The following STAG1 variants were observed in gnomAD, a reference collection of about 807,000 sequenced individuals.
The protein encoded by STAG1 is cohesin subunit SA-1.
STAG1 carries 26 observed loss-of-function variants against 170.9 expected under a neutral mutation model. The ratio of observed to expected loss-of-function variants is 0.15; its 90% confidence interval spans 0.11 to 0.21. The LOEUF (loss-of-function observed/expected upper bound fraction) is 0.21, where lower values mean the gene tolerates loss of function less well. STAG1 is among the 10% of genes least tolerant of loss of function. STAG1 has a pLI of 1.00. For missense variants in STAG1, 964 were observed against 1,509.5 expected, an observed-to-expected ratio of 0.64 and a Z score of 5.99; for synonymous variants, 514 against 497.7, an observed-to-expected ratio of 1.03 and a Z score of -0.44.
chr3:136,633,862 G>A (rs941518498), intron 1 of STAG1, among the ~76,000 whole-genome samples: 3 of 145,964 alleles, frequency 2.1e-5, no homozygotes, highest in African/African-American at 5.0e-5. Flanking sequence ...AGTAGCCCAC[G>A]CTTATAATCC....
At chr3:136,696,426 GCAGT>G (rs1368514029) in intron 1 of STAG1, among the ~76,000 whole-genome samples, 2 of 152,188 alleles carry the variant, frequency 1.3e-5, no homozygotes, top group South Asian at 2.1e-4. Flanking sequence ...GATTTTTAGG[GCAGT>G]CAGACAACAG....
At position 136,624,709 on chromosome 3, in the gene STAG1, A is replaced by G. The variant is rs1462415229; in HGVS notation, c.30-1461T>C. Among the ~76,000 whole-genome samples, 3 of 152,344 alleles carry G rather than the reference A, an allele frequency of 2.0e-5. No homozygotes were observed. The East Asian group carries it at 5.8e-4, about 29-fold the overall frequency. ...CACTTTCTTAAGTCTATAATCAACA[A>G]AACAATAAATTAAGCATTGATTTTT... is the stretch of plus-strand genomic sequence containing the variant. On this transcript the variant is annotated intron_variant, in intron 2 of 33. Coordinates refer to ENST00000383202, the MANE Select transcript of STAG1 (RefSeq NM_005862.3).
chr3:136,390,796 T>A (rs1476380847), intron 22 of STAG1, among the ~76,000 whole-genome samples: 1 of 152,198 alleles, frequency 6.6e-6, no homozygotes, highest in Non-Finnish European at 1.5e-5. Flanking sequence ...TCTAATGAGC[T>A]ATCTCTTGCT....
rs142942223 is a variant in STAG1 at position 136,528,958 on chromosome 3, A to C, written c.472-7541T>G. Among the ~76,000 whole-genome samples, 760 of 152,078 alleles carry C rather than the reference A, an allele frequency of 5.0e-3. 4 individuals are homozygous for C. The highest frequency in any genetic ancestry group is 0.017 in the African/African-American group (694 of 41,478). ...AAGCAAAAAACAAAACAAAACAAAA[A>C]AAAACAGAAAACAAACCAAAAAACC... On this transcript the variant is annotated intron_variant, in intron 6 of 33. Coordinates refer to ENST00000383202, the MANE Select transcript of STAG1 (RefSeq NM_005862.3).
intron 12 of STAG1, 91 bp downstream of exon 12, chr3:136,472,322 A>G: frequency 1.4e-6 from 1 of 720,334 alleles, no homozygotes; most frequent in South Asian, 2.7e-5. Context: ...AAACATATAC[A>G]TAAGGACTAT....
Position 136,479,526 on chromosome 3 carries a change from C to T in STAG1, c.903-2114G>A, listed in dbSNP as rs1416994782. Among the ~76,000 whole-genome samples, 3 of 63,688 alleles carry T rather than the reference C, an allele frequency of 4.7e-5. 1 individual carries two copies. Among genetic ancestry groups the T allele is most frequent in the Admixed American group, 1.8e-4 (1 of 5,590 alleles). 41.8% of individuals were successfully genotyped at this position (63,688 alleles called of 152,430 possible). On this transcript the variant is annotated intron_variant, in intron 9 of 33. Coordinates refer to ENST00000383202, the MANE Select transcript of STAG1 (RefSeq NM_005862.3). ...AAGTCTTTGCTATTGTGAATAGTGTCGCAATAAACATACGTGTGCATGTGT... is the reference window on the plus strand; with the variant it reads ...AAGTCTTTGCTATTGTGAATAGTGTTGCAATAAACATACGTGTGCATGTGT...
At chr3:136,518,676 A>G (rs1370748998) in intron 7 of STAG1, among the ~76,000 whole-genome samples, 2 of 152,108 alleles carry the variant, frequency 1.3e-5, no homozygotes, top group Non-Finnish European at 2.9e-5. Flanking sequence ...GTAATACGTT[A>G]AAGTAAATTG....
chr3:136,611,795 A>C (rs1036187151), intron 3 of STAG1, among the ~76,000 whole-genome samples: 35 of 148,422 alleles, frequency 2.4e-4, no homozygotes, highest in Non-Finnish European at 3.4e-4. Flanking sequence ...AAGCCACTGC[A>C]TCTCGCCTTA....
chr3:136,749,175 A>T (rs963583227), intron 1 of STAG1, among the ~76,000 whole-genome samples: 10 of 152,206 alleles, frequency 6.6e-5, no homozygotes, highest in African/African-American at 2.4e-4. Flanking sequence ...TGCATATGTA[A>T]TTAAGGCCCT....
chr3:136,634,970 A>C (rs969746288), intron 1 of STAG1, among the ~76,000 whole-genome samples: 1 of 152,218 alleles, frequency 6.6e-6, no homozygotes, highest in Non-Finnish European at 1.5e-5. Flanking sequence ...GAAAAGAACT[A>C]TAACGAGACA....
At chr3:136,419,523 C>A (rs2087885675) in intron 20 of STAG1, among the ~76,000 whole-genome samples, 1 of 151,882 alleles carries the variant, frequency 6.6e-6, no homozygotes, top group Non-Finnish European at 1.5e-5. Context: ...TGGCTCTCTA[C>A]AATCTCTGCC....
chr3:136,666,423 ATAAGAACTGT>A (rs1941778046), intron 1 of STAG1, among the ~76,000 whole-genome samples: 1 of 152,340 alleles, frequency 6.6e-6, no homozygotes, highest in Admixed American at 6.5e-5. Flanking sequence ...TACTGTAGCA[ATAAGAACTGT>A]ATAAGAACTC....
chr3:136,513,604 G>A (rs1235788767), intron 7 of STAG1, among the ~76,000 whole-genome samples: 1 of 151,878 alleles, frequency 6.6e-6, no homozygotes, highest in Non-Finnish European at 1.5e-5. Flanking sequence ...AATTAGCACT[G>A]GACTTCTCAA....
intron 3 of STAG1, among the ~76,000 whole-genome samples, chr3:136,610,828 G>A (rs1321957774): frequency 1.3e-5 from 2 of 152,086 alleles, no homozygotes; most frequent in Non-Finnish European, 2.9e-5. Context: ...CACAATTAAT[G>A]GTTATCATGG....
At position 136,626,466 on chromosome 3, in the gene STAG1, T is replaced by A. The variant is rs184245336; in HGVS notation, c.30-3218A>T. 1.9e-4 allele frequency among the ~76,000 whole-genome samples: 28 copies of A among 150,702 alleles called. No individual in the cohort carries two copies. In the South Asian group the frequency reaches 5.7e-3, roughly 31 times the overall value. The stretch of plus-strand genomic sequence containing the variant: ...CAAAAAAACAAAAAACCATACAGTA[T>A]ATATTTTAGGCTTATGGGTCTTAAG... On this transcript the variant is annotated intron_variant, in intron 2 of 33. Coordinates refer to ENST00000383202, the MANE Select transcript of STAG1 (RefSeq NM_005862.3).
chr3:136,369,031 T>C, intron 24 of STAG1, 77 bp downstream of exon 24: 1 of 1,305,178 alleles, frequency 7.7e-7, no homozygotes. Flanking sequence ...TTTTTAGAAC[T>C]GAATTTGTTT....
intron 15 of STAG1, among the ~76,000 whole-genome samples, chr3:136,438,368 C>T (rs539644313): frequency 6.0e-5 from 9 of 150,956 alleles, no homozygotes; most frequent in African/African-American, 1.2e-4. Context: ...GATGACAAGG[C>T]GCGTGCCACC....
At chr3:136,608,719 G>GA (rs1309519717) in intron 3 of STAG1, among the ~76,000 whole-genome samples, 13 of 144,858 alleles carry the variant, frequency 9.0e-5, no homozygotes, top group Non-Finnish European at 1.8e-4. Context: ...TAGGAGAATC[G>GA]AATGAGCCGG....
At chr3:136,526,000 A>G (rs1464787494) in intron 6 of STAG1, among the ~76,000 whole-genome samples, 1 of 152,168 alleles carries the variant, frequency 6.6e-6, no homozygotes, top group Non-Finnish European at 1.5e-5. Context: ...TTTGCTGAGG[A>G]GTGCTTTACT....
Sources: gnomAD v4.1 joint callset for allele counts (sites outside exome capture counted in the v4.1 genomes callset) on GRCh38, gnomAD v4.1.1 for gene constraint, MANE v1.5 for transcripts, NCBI Gene and HGNC (gene_info 2026-07-23, HGNC 2026-07-21) for gene names.